The following NCOR1 variants were observed in gnomAD, a reference collection of about 807,000 sequenced individuals.
The protein encoded by NCOR1 is protein phosphatase 1, regulatory subunit 109.
In NCOR1, 63 loss-of-function variants were observed where a neutral mutation model predicts 288.1. That is an observed-to-expected ratio of 0.22 (90% CI 0.18 to 0.27). NCOR1 has a LOEUF of 0.27. NCOR1 is among the 10% of genes least tolerant of loss of function. The pLI is 1.00. For synonymous variants in NCOR1, 1,007 were observed against 1,065.9 expected (o/e 0.94, Z 1.08); for missense variants, 2,397 against 3,019.2 (o/e 0.79, Z 4.83).
At chr17:16,185,915 C>T (rs556101469) in intron 3 of NCOR1, among the ~76,000 whole-genome samples, 1 of 151,630 alleles carries the variant, frequency 6.6e-6, no homozygotes, top group Non-Finnish European at 1.5e-5. Context: ...CCAGCCTGGG[C>T]AACAGAGCTA....
At chr17:16,058,204 G>GA (rs1057511817) in intron 38 of NCOR1, 140 bp from the exon 39 acceptor site, 5,210 of 950,604 alleles carry the variant, frequency 5.5e-3, no homozygotes, top group South Asian at 7.2e-3. Context: ...TAATTTTGGA[G>GA]AAAAAAAAAA....
Position 16,101,444 on chromosome 17 carries a change from A to G in NCOR1, c.2496T>C (p.His832=). 1.2e-6 allele frequency: 2 copies of G among 1,614,122 alleles called. No individual in the cohort carries two copies. The highest frequency in any genetic ancestry group is 1.7e-6 in the Non-Finnish European group (2 of 1,180,018). The stretch of plus-strand genomic sequence containing the variant: ...TATTATCACCTTCAACTTTAGATGC[A>G]TGGTTTTCTGGCACCCTCACTTCAA... ...VDVEVRVPEN[H]ASKVEGDNTK... The change falls in exon 20 of 46, where the codon CAT becomes CAC. Residue 832 remains histidine (H), a synonymous_variant. Transcript: ENST00000268712.
At chr17:16,059,322 T>G (rs2060297720) in intron 37 of NCOR1, among the ~76,000 whole-genome samples, 1 of 152,320 alleles carries the variant, frequency 6.6e-6, no homozygotes, top group South Asian at 2.1e-4. Context: ...ATTTTAAAGC[T>G]ATGGATTATA....
At chr17:16,151,616 A>G in intron 8 of NCOR1, 1 of 1,357,576 alleles carries the variant, frequency 7.4e-7, no homozygotes, top group Non-Finnish European at 9.8e-7. Context: ...CAGGTACTCC[A>G]CTGAAAAAAA....
At chr17:16,197,078 T>A (rs2089981685) in intron 1 of NCOR1, among the ~76,000 whole-genome samples, 1 of 151,914 alleles carries the variant, frequency 6.6e-6, no homozygotes, top group Non-Finnish European at 1.5e-5. Flanking sequence ...CTCACGCACT[T>A]TAGGAGGCCA....
chr17:16,080,001 A>C lies in NCOR1; in HGVS notation c.3464T>G (p.Val1155Gly). The change falls in exon 26 of 46, where the codon GTG becomes GGG. Residue 1155 changes from valine to glycine, a missense_variant. Around this residue, in one of 11 missense-constraint regions of NCOR1, gnomAD observed 1,872 missense variants for 2,187.8 expected, o/e 0.86. Transcript: ENST00000268712. ...TRGTPTSKIS[V>G]ESIPSLRGSI... ...GCCCCGTAGGGATGGAATGCTCTCC[A>C]CTGAAATTTTGCTGGTTGGAGTTCC... 6.2e-7 allele frequency: 1 copy of C among 1,614,100 alleles called. No homozygotes were observed. The highest frequency in any genetic ancestry group is 8.5e-7 in the Non-Finnish European group (1 of 1,179,992).
intron 18 of NCOR1, among the ~76,000 whole-genome samples, chr17:16,114,915 A>G (rs1421596184): frequency 6.6e-6 from 1 of 152,116 alleles, no homozygotes; most frequent in African/African-American, 2.4e-5. Context: ...TCCATTAGGC[A>G]GTGCACTAGT....
chr17:16,109,880 C>T (rs551306352), intron 18 of NCOR1, among the ~76,000 whole-genome samples: 1 of 152,234 alleles, frequency 6.6e-6, no homozygotes, highest in Admixed American at 6.5e-5. Context: ...ATTACAAGCA[C>T]CCGCCACCAG....
intron 26 of NCOR1, among the ~76,000 whole-genome samples, chr17:16,077,350 T>C (rs535902881): frequency 2.8e-4 from 42 of 149,878 alleles, no homozygotes; most frequent in African/African-American, 9.9e-4. Flanking sequence ...TGAGCTGAGA[T>C]GGCACCACTG....
intron 22 of NCOR1, chr17:16,087,488 G>T (rs2064434191): frequency 3.0e-6 from 1 of 333,710 alleles, no homozygotes; most frequent in African/African-American, 2.1e-5. Flanking sequence ...TTCACCCACA[G>T]AGAAGTTAAG....
intron 21 of NCOR1, among the ~76,000 whole-genome samples, chr17:16,093,629 T>C (rs1208991097): frequency 6.6e-6 from 1 of 152,192 alleles, no homozygotes; most frequent in Non-Finnish European, 1.5e-5. Flanking sequence ...AACTTAAGAC[T>C]TCCATAGTTT....
intron 26 of NCOR1, among the ~76,000 whole-genome samples, chr17:16,079,159 CCAA>C (rs1257173667): frequency 6.6e-6 from 1 of 152,088 alleles, no homozygotes; most frequent in East Asian, 1.9e-4. Flanking sequence ...CCAGTCCCCA[CCAA>C]CAAGGGTTGG....
chr17:16,125,383 A>C (rs2153185044), intron 15 of NCOR1, among the ~76,000 whole-genome samples: 1 of 151,236 alleles, frequency 6.6e-6, no homozygotes, highest in African/African-American at 2.4e-5. Context: ...AAATAAAATA[A>C]AATTTCAGCA....
At position 16,092,674 on chromosome 17, in the gene NCOR1, TATATATATATATATATATATA is replaced by T. The variant is rs1567958305; in HGVS notation, c.2821-637_2821-617del. On this transcript the variant is annotated intron_variant, in intron 21 of 45. Transcript: ENST00000268712. ...ATATATATATATATATATATATATATATATATATATATATATATATATTTTTTTTTTTTTTTTTTTTTAAGA... is the reference window on the plus strand; with the variant it reads ...ATATATATATATATATATATATATATTTTTTTTTTTTTTTTTTTTTTAAGA... Among the ~76,000 whole-genome samples the T allele has an allele frequency of 1.5e-3, 28 of 18,456 alleles. 2 individuals carry two copies. Among genetic ancestry groups the T allele is most frequent in the East Asian group, 6.0e-3 (2 of 334 alleles). 12.1% of individuals were successfully genotyped at this position (18,456 alleles called of 152,430 possible). A position where few individuals can be genotyped will look rare whatever the true frequency, so the allele number is the denominator to read the frequency against.
chr17:16,074,266 A>G lies in NCOR1; in HGVS notation c.3671-697T>C, dbSNP rs566688411. Among the ~76,000 whole-genome samples the G allele has an allele frequency of 2.0e-5, 3 of 152,320 alleles. No individual in the cohort carries two copies. The East Asian group carries it at 5.8e-4, about 29-fold the overall frequency. ...TTGCAGTTATATCCAGGGTGATGGAAAAATCAGTCAAGGAGTGACGTGGTA... is the reference window on the plus strand; with the variant it reads ...TTGCAGTTATATCCAGGGTGATGGAGAAATCAGTCAAGGAGTGACGTGGTA... On this transcript the variant is annotated intron_variant, in intron 27 of 45. Transcript: ENST00000268712.
At position 16,121,147 on chromosome 17, in the gene NCOR1, G is replaced by A; in HGVS notation, c.1757C>T (p.Thr586Ile). The A allele has an allele frequency of 6.2e-7, 1 of 1,614,174 alleles. No individual in the cohort carries two copies. The highest frequency in any genetic ancestry group is 8.5e-7 in the Non-Finnish European group (1 of 1,180,034). Residue 586 changes from threonine to isoleucine, a missense_variant, in exon 16 of 46, where the codon ACC becomes ATC. Thr to Ile is a moderately conservative substitution (Grantham distance 89). Transcript: ENST00000268712. ...TGCAGCTTCGTTTGTCATGGACCTG[G>A]TGATCCGGCCCTTACGGCGGCCCTG... is the stretch of plus-strand genomic sequence containing the variant. ...NSQGRRKGRI[T>I]RSMTNEAAAA...
chr17:16,153,506 TA>T, intron 6 of NCOR1, 111 bp from the exon 7 acceptor site: 2 of 601,742 alleles, frequency 3.3e-6, no homozygotes, highest in Non-Finnish European at 5.5e-6. Context: ...AACTTATCCT[TA>T]TTTCCAAATA....
At position 16,195,668 on chromosome 17, in the gene NCOR1, C is replaced by T. The variant is rs1357341936; in HGVS notation, c.-70-1029G>A. On this transcript the variant is annotated intron_variant, in intron 1 of 45. Transcript: ENST00000268712. ...ACCTCATTGTGCTTTGCTGTTGCTG[C>T]TACTTTCACCGCCTTCCCAGCTATT... 2.0e-5 allele frequency among the ~76,000 whole-genome samples: 3 copies of T among 152,316 alleles called. No individual in the cohort carries two copies. In the South Asian group the frequency reaches 6.2e-4, roughly 32 times the overall value.
At chr17:16,127,257 GTGTGTATA>G (rs2074336124) in intron 14 of NCOR1, among the ~76,000 whole-genome samples, 1 of 101,114 alleles carries the variant, frequency 9.9e-6, no homozygotes, top group African/African-American at 4.4e-5. Context: ...GTATATATGT[GTGTGTATA>G]TATGTATGTA....
Sources: gnomAD v4.1 joint callset for allele counts (sites outside exome capture counted in the v4.1 genomes callset) on GRCh38, gnomAD v4.1.1 for gene constraint, gnomAD v4.1.1 regional missense constraint, MANE v1.5 for transcripts, NCBI Gene and HGNC (gene_info 2026-07-23, HGNC 2026-07-21) for gene names.